SUN1: variants seen among roughly 807,000 people sequenced by gnomAD.
SUN1 encodes SUN domain-containing protein 1.
In SUN1, 61 loss-of-function variants were observed where a neutral mutation model predicts 103.2. That is an observed-to-expected ratio of 0.59 (90% CI 0.48 to 0.73). The LOEUF (loss-of-function observed/expected upper bound fraction) is 0.73, where lower values mean the gene tolerates loss of function less well. Ranked by LOEUF, SUN1 falls within the 30% of genes least tolerant of loss-of-function variation. The pLI, the probability that SUN1 is intolerant of heterozygous loss-of-function variation, is 0.00. For missense variants in SUN1, 1,052 were observed against 1,034.6 expected, an observed-to-expected ratio of 1.02 and a Z score of -0.23; for synonymous variants, 490 against 425.7, an observed-to-expected ratio of 1.15 and a Z score of -1.86.
intron 5 of SUN1, chr7:849,445 G>T: frequency 1.8e-6 from 2 of 1,118,952 alleles, no homozygotes; most frequent in Non-Finnish European, 2.5e-6. Context: ...TGATCATGTT[G>T]ACTTCATCAG....
chr7:868,251 G>T (rs1451711687), intron 16 of SUN1, among the ~76,000 whole-genome samples: 1 of 152,270 alleles, frequency 6.6e-6, no homozygotes, highest in Non-Finnish European at 1.5e-5. Flanking sequence ...CGCAGCGTCT[G>T]CAACTTGTCA....
chr7:866,666 C>G (rs61564828), intron 16 of SUN1, among the ~76,000 whole-genome samples: 7 of 15,508 alleles, frequency 4.5e-4, no homozygotes, highest in African/African-American at 5.1e-4. Context: ...CACCATCTCC[C>G]CGGGCCTTCG....
Position 864,240 on chromosome 7 carries a change from C to CT in SUN1, c.1865-1711dup, listed in dbSNP as rs550816812. On this transcript the variant is annotated intron_variant, in intron 15 of 18. Coordinates refer to ENST00000401592, the MANE Select transcript of SUN1 (RefSeq NM_001130965.3). ...CCTTTGAGTTACAAACAAAAATACT[C>CT]TAAGTTATTTAAAAATGCACAATTA... 9.9e-5 allele frequency among the ~76,000 whole-genome samples: 15 copies of CT among 152,126 alleles called. 1 individual carries two copies. The South Asian group carries it at 2.5e-3, about 25-fold the overall frequency.
chr7:847,884 G>T (rs191457396), intron 5 of SUN1, among the ~76,000 whole-genome samples: 2 of 150,508 alleles, frequency 1.3e-5, no homozygotes, highest in Admixed American at 6.6e-5. Context: ...GGGTTACCCC[G>T]CAGCGCCGTC....
At chr7:856,657 G>C (rs11761623) in intron 12 of SUN1, among the ~76,000 whole-genome samples, 6,891 of 152,286 alleles carry the variant, frequency 0.045, 160 homozygotes, top group Middle Eastern at 0.061. Context: ...CCGCGCCCCT[G>C]CTGTGACCCG....
At chr7:866,301 A>G (rs1489116231) in intron 16 of SUN1, among the ~76,000 whole-genome samples, 3 of 152,150 alleles carry the variant, frequency 2.0e-5, no homozygotes, top group Non-Finnish European at 4.4e-5. Context: ...ACCGTGTGGC[A>G]CATGCTGGTC....
intron 1 of SUN1, among the ~76,000 whole-genome samples, chr7:821,889 C>A (rs7785538): frequency 6.6e-6 from 1 of 151,964 alleles, no homozygotes; most frequent in African/African-American, 2.4e-5. Flanking sequence ...CCAGTGTCGT[C>A]GGCCTCACCT....
chr7:851,536 G>C, intron 6 of SUN1, 54 bp downstream of exon 6: 1 of 1,398,666 alleles, frequency 7.1e-7, no homozygotes, highest in South Asian at 1.2e-5. Context: ...TGGCAGCTAA[G>C]CACCTGCACT....
chr7:826,838 C>CCATTGTT (rs1554260593), intron 1 of SUN1, among the ~76,000 whole-genome samples: 7 of 152,120 alleles, frequency 4.6e-5, no homozygotes, highest in Non-Finnish European at 5.9e-5. Flanking sequence ...GCAGGAGATC[C>CCATTGTT]CATTGTTCAT....
intron 1 of SUN1, among the ~76,000 whole-genome samples, chr7:833,827 AG>A (rs1800234196): frequency 6.7e-6 from 1 of 149,748 alleles, no homozygotes; most frequent in Admixed American, 6.8e-5. Flanking sequence ...AGGCCAGCTC[AG>A]GGGAGACTGC....
intron 1 of SUN1, among the ~76,000 whole-genome samples, chr7:824,250 A>G (rs1789191786): frequency 6.6e-6 from 1 of 152,256 alleles, no homozygotes; most frequent in South Asian, 2.1e-4. Flanking sequence ...GTTTCACGTC[A>G]CTGATAATTA....
chr7:819,988 A>C (rs1230857044), intron 1 of SUN1, among the ~76,000 whole-genome samples: 1 of 152,152 alleles, frequency 6.6e-6, no homozygotes, highest in African/African-American at 2.4e-5. Context: ...TTTTGTAGTA[A>C]GTTTTGAAGC....
intron 2 of SUN1, among the ~76,000 whole-genome samples, chr7:840,405 A>C (rs1562598158): frequency 6.6e-6 from 1 of 152,184 alleles, no homozygotes; most frequent in Non-Finnish European, 1.5e-5. Flanking sequence ...CTGCAGCTGT[A>C]CTGCCACGCC....
chr7:844,424 C>T lies in SUN1; in HGVS notation c.658+904C>T, dbSNP rs942403761. Among the ~76,000 whole-genome samples the T allele has an allele frequency of 8.5e-5, 13 of 152,190 alleles. 1 individual carries two copies. Among genetic ancestry groups the T allele is most frequent in the Non-Finnish European group, 1.5e-4 (10 of 68,024 alleles). On this transcript the variant is annotated intron_variant, in intron 5 of 18. Coordinates refer to ENST00000401592, the MANE Select transcript of SUN1 (RefSeq NM_001130965.3). ...ACTCCGAGCCTGGCATTGCCCGGGA[C>T]GTGGGGCGTTTGTCCAGTATTATTC... is the stretch of plus-strand genomic sequence containing the variant.
At position 839,019 on chromosome 7, in the gene SUN1, C is replaced by G. The variant is rs755822388; in HGVS notation, c.266+33C>G. On this transcript the variant is annotated intron_variant, in intron 2 of 18. Transcript: ENST00000401592. ...CCGCTGCACTTCCTCTCCATCTGAT[C>G]TCTAACACCAGTTAAAACCAAGCTT... 7 of 1,492,986 alleles carry G rather than the reference C, an allele frequency of 4.7e-6. No homozygotes were observed. The African/African-American group carries it at 7.0e-5, about 15-fold the overall frequency. The allele number at this position is 1,492,986 out of a possible 1,614,324, so 92.5% of individuals were successfully genotyped here.
chr7:817,429 C>T, intron 1 of SUN1: 1 of 1,535,960 alleles, frequency 6.5e-7, no homozygotes, highest in Non-Finnish European at 8.7e-7. Context: ...TAAGCAGCGG[C>T]GGGGAACACC....
Position 869,411 on chromosome 7 carries a change from G to A in SUN1, c.2043G>A (p.Arg681=), listed in dbSNP as rs61744747. 21,797 of 1,613,780 alleles carry A rather than the reference G, an allele frequency of 0.014. 731 individuals carry two copies. In the East Asian group the frequency reaches 0.15, roughly 11 times the overall value. ...GCTCCCAGGGGTACCTGGTGGTGAG[G>A]CTCTCCATGATGATCCACCCAGCCG... ...FKGSQGYLVV[R]LSMMIHPAAF... The change falls in exon 17 of 19, where the codon AGG becomes AGA. Residue 681 remains arginine, a synonymous_variant. Coordinates refer to ENST00000401592, the MANE Select transcript of SUN1 (RefSeq NM_001130965.3).
intron 1 of SUN1, chr7:817,531 G>A (rs1258131188): frequency 6.5e-7 from 1 of 1,534,620 alleles, no homozygotes. Context: ...CTCTGCTCTC[G>A]CTTTGCAGCT....
At chr7:817,876 C>G (rs73043546) in intron 1 of SUN1, among the ~76,000 whole-genome samples, 20,910 of 152,060 alleles carry the variant, frequency 0.14, 1,647 homozygotes, top group Non-Finnish European at 0.16. Context: ...AAGGCTTGGG[C>G]TGGCTTTATA....
Sources: allele counts gnomAD v4.1 joint callset (sites outside exome capture counted in the v4.1 genomes callset), GRCh38; gene constraint gnomAD v4.1.1; transcripts MANE v1.5; gene names NCBI Gene and HGNC (gene_info 2026-07-23, HGNC 2026-07-21).